The following CPA6 variants were observed in gnomAD, a reference collection of about 807,000 sequenced individuals.
CPA6 encodes carboxypeptidase B.
In CPA6, 58 loss-of-function variants were observed where a neutral mutation model predicts 63.3. That is an observed-to-expected ratio of 0.92 (90% CI 0.74 to 1.14). The LOEUF (loss-of-function observed/expected upper bound fraction) is 1.14, where lower values mean the gene tolerates loss of function less well. Ranked by LOEUF, CPA6 falls within the 50% of genes most tolerant of loss-of-function variation. CPA6 has a pLI of 0.00. For missense variants in CPA6, 565 were observed against 526.6 expected (o/e 1.07, Z -0.71); for synonymous variants, 185 against 179.0 (o/e 1.03, Z -0.27).
At chr8:67,454,621 A>G (rs1159028331) in intron 8 of CPA6, among the ~76,000 whole-genome samples, 3 of 152,248 alleles carry the variant, frequency 2.0e-5, no homozygotes, top group African/African-American at 7.2e-5. Context: ...TATGGGAACC[A>G]ATATATTGTT....
At chr8:67,710,007 G>A (rs1304080119) in intron 1 of CPA6, among the ~76,000 whole-genome samples, 1 of 152,058 alleles carries the variant, frequency 6.6e-6, no homozygotes, top group Non-Finnish European at 1.5e-5. Context: ...CAGCTACTCA[G>A]GAGGCTGAGG....
intron 8 of CPA6, among the ~76,000 whole-genome samples, chr8:67,444,660 G>T: frequency 6.7e-6 from 1 of 149,540 alleles, no homozygotes; most frequent in Non-Finnish European, 1.5e-5. Context: ...GGCGGGTCCT[G>T]CAATCCCAGC....
intron 2 of CPA6, among the ~76,000 whole-genome samples, chr8:67,548,542 G>A (rs112080456): frequency 1.3e-5 from 2 of 152,008 alleles, no homozygotes; most frequent in African/African-American, 4.8e-5. Context: ...GAGCCACTGT[G>A]CCCAGTAGAA....
At chr8:67,672,677 G>C (rs1401934592) in intron 1 of CPA6, among the ~76,000 whole-genome samples, 1 of 152,140 alleles carries the variant, frequency 6.6e-6, no homozygotes. Flanking sequence ...ATTTCATTTT[G>C]AAAACAGTAT....
At chr8:67,580,838 G>C (rs1813752122) in intron 2 of CPA6, among the ~76,000 whole-genome samples, 1 of 152,196 alleles carries the variant, frequency 6.6e-6, no homozygotes, top group Non-Finnish European at 1.5e-5. Flanking sequence ...TCCCATGATT[G>C]ATTAATAGGG....
At chr8:67,555,681 A>G (rs1262422959) in intron 2 of CPA6, among the ~76,000 whole-genome samples, 1 of 152,124 alleles carries the variant, frequency 6.6e-6, no homozygotes, top group African/African-American at 2.4e-5. Context: ...TCCCATTTGT[A>G]GCTGGTGTCT....
chr8:67,456,169 T>G (rs1202835384), intron 8 of CPA6, among the ~76,000 whole-genome samples: 1 of 152,226 alleles, frequency 6.6e-6, no homozygotes, highest in Non-Finnish European at 1.5e-5. Context: ...TTGTGTAACT[T>G]AATTGATTTC....
intron 6 of CPA6, among the ~76,000 whole-genome samples, chr8:67,505,689 T>G (rs991536248): frequency 6.6e-6 from 1 of 152,154 alleles, no homozygotes; most frequent in African/African-American, 2.4e-5. Context: ...TTTAGAAAAT[T>G]TTATTACTCA....
At chr8:67,601,755 G>A (rs1814502212) in intron 2 of CPA6, among the ~76,000 whole-genome samples, 1 of 152,098 alleles carries the variant, frequency 6.6e-6, no homozygotes, top group Non-Finnish European at 1.5e-5. Flanking sequence ...TAGCGAAATA[G>A]GAATTTTCAT....
intron 1 of CPA6, among the ~76,000 whole-genome samples, chr8:67,683,302 T>A (rs1262220940): frequency 6.6e-6 from 1 of 152,234 alleles, no homozygotes; most frequent in Non-Finnish European, 1.5e-5. Flanking sequence ...TTTAAGCCTT[T>A]TATGTCAATC....
chr8:67,548,352 A>G (rs1423110519), intron 2 of CPA6, among the ~76,000 whole-genome samples: 3 of 151,040 alleles, frequency 2.0e-5, no homozygotes, highest in East Asian at 3.9e-4. Flanking sequence ...CCTGGGTTCA[A>G]ACACCTCTCC....
chr8:67,720,851 G>A (rs957338184), intron 1 of CPA6, among the ~76,000 whole-genome samples: 1 of 152,160 alleles, frequency 6.6e-6, no homozygotes, highest in African/African-American at 2.4e-5. Context: ...GCCTCCACTA[G>A]AGATGCAGTC....
intron 9 of CPA6, among the ~76,000 whole-genome samples, chr8:67,431,129 G>A (rs138969129): frequency 4.3e-4 from 66 of 152,266 alleles, no homozygotes; most frequent in African/African-American, 1.2e-3. Flanking sequence ...CTCCCAAAGT[G>A]CTGGGATTAT....
chr8:67,722,117 T>C (rs61306620), intron 1 of CPA6, among the ~76,000 whole-genome samples: 3,412 of 152,338 alleles, frequency 0.022, 113 homozygotes, highest in African/African-American at 0.072. Context: ...GAATCTATTG[T>C]TTCGGGAACT....
chr8:67,707,230 C>T (rs1817155986), intron 1 of CPA6, among the ~76,000 whole-genome samples: 1 of 152,188 alleles, frequency 6.6e-6, no homozygotes, highest in Non-Finnish European at 1.5e-5. Flanking sequence ...ACTTTCAGGA[C>T]CCTCATGGAG....
chr8:67,492,319 G>T (rs769125838), intron 6 of CPA6, among the ~76,000 whole-genome samples: 24 of 151,988 alleles, frequency 1.6e-4, no homozygotes, highest in Non-Finnish European at 3.1e-4. Context: ...TAGTGACATT[G>T]AAAGTACAAA....
At chr8:67,487,315 T>C (rs941220934) in intron 6 of CPA6, among the ~76,000 whole-genome samples, 5 of 152,196 alleles carry the variant, frequency 3.3e-5, no homozygotes, top group African/African-American at 7.2e-5. Flanking sequence ...TGGCTTTCTG[T>C]CCTTGTGATA....
chr8:67,430,366 G>T (rs1810001006), intron 9 of CPA6, among the ~76,000 whole-genome samples: 2 of 151,840 alleles, frequency 1.3e-5, no homozygotes, highest in Admixed American at 6.6e-5. Flanking sequence ...TTTTAGTAGA[G>T]ATGGGGTTTC....
chr8:67,713,738 G>A (rs1449440194), intron 1 of CPA6, among the ~76,000 whole-genome samples: 2 of 152,150 alleles, frequency 1.3e-5, no homozygotes, highest in African/African-American at 4.8e-5. Context: ...AGTGTTTCCA[G>A]CCTCCAAATG....
Sources: allele counts gnomAD v4.1 joint callset (sites outside exome capture counted in the v4.1 genomes callset), GRCh38; gene constraint gnomAD v4.1.1; transcripts MANE v1.5; gene names NCBI Gene and HGNC (gene_info 2026-07-23, HGNC 2026-07-21).